Variants in COL5A1 observed in about 807,000 individuals in gnomAD.
The protein encoded by COL5A1 is collagen type V alpha 1 chain, also known as collagen alpha-1(V) chain.
COL5A1 carries 16 observed loss-of-function variants against 263.7 expected under a neutral mutation model. That is an observed-to-expected ratio of 0.06 (90% CI 0.04 to 0.09). The LOEUF is 0.09. Ranked by LOEUF, COL5A1 falls within the 10% of genes least tolerant of loss-of-function variation. The pLI, the probability that COL5A1 is intolerant of heterozygous loss-of-function variation, is 1.00. For missense variants in COL5A1, 2,036 were observed against 2,540.5 expected, an observed-to-expected ratio of 0.80 and a Z score of 4.27; for synonymous variants, 1,012 against 1,004.5, an observed-to-expected ratio of 1.01 and a Z score of -0.14.
Position 134,741,686 on chromosome 9 carries a change from G to A in COL5A1, c.1494+2878G>A, listed in dbSNP as rs555512564. Among the ~76,000 whole-genome samples the A allele has an allele frequency of 2.6e-5, 4 of 152,252 alleles. No individual in the cohort carries two copies. Among genetic ancestry groups the A allele is most frequent in the South Asian group, 4.1e-4 (2 of 4,820 alleles). On this transcript the variant is annotated intron_variant, in intron 11 of 65. Transcript: ENST00000371817. This position sits in a 1 kb window ranked among gnomAD's most constrained non-coding sequence, Gnocchi z 4.5. ...AGGTAAGAGAACTCTTCTTGCGTCC[G>A]TCGATTCTTACTTGGCTTCAGCAGA...
At chr9:134,718,702 C>T (rs1227133356) in intron 4 of COL5A1, among the ~76,000 whole-genome samples, 1 of 152,182 alleles carries the variant, frequency 6.6e-6, no homozygotes, top group Non-Finnish European at 1.5e-5. Flanking sequence ...TCCTTGACTC[C>T]AAGGTGGGCA....
chr9:134,746,226 G>T (rs964036688), intron 11 of COL5A1, among the ~76,000 whole-genome samples: 1 of 152,296 alleles, frequency 6.6e-6, no homozygotes, highest in African/African-American at 2.4e-5. Context: ...GGCCTGCCCA[G>T]GGTCGGGCCT....
chr9:134,684,305 A>G (rs1832946309), intron 1 of COL5A1, among the ~76,000 whole-genome samples: 1 of 152,016 alleles, frequency 6.6e-6, no homozygotes, highest in African/African-American at 2.4e-5. Flanking sequence ...GGAGCCCTGT[A>G]CAGATGTCCA....
At chr9:134,753,693 C>A (rs73664130) in intron 14 of COL5A1, among the ~76,000 whole-genome samples, 157 bp from the exon 15 acceptor site, 1 of 151,998 alleles carries the variant, frequency 6.6e-6, no homozygotes, top group African/African-American at 2.4e-5. Flanking sequence ...TTCTTCCCCC[C>A]GGTTCTGTTC....
intron 18 of COL5A1, among the ~76,000 whole-genome samples, chr9:134,759,813 C>T (rs1343465495): frequency 6.8e-5 from 6 of 88,458 alleles, no homozygotes; most frequent in East Asian, 5.3e-4. Context: ...CATGCACACA[C>T]GCATACACAC....
At chr9:134,798,841 C>T (rs1215879682) in intron 37 of COL5A1, among the ~76,000 whole-genome samples, 2 of 152,220 alleles carry the variant, frequency 1.3e-5, no homozygotes, top group Non-Finnish European at 2.9e-5. Flanking sequence ...AGTGCTACCC[C>T]GCTTGAGGGA....
chr9:134,670,185 T>C (rs1166388223), intron 1 of COL5A1, among the ~76,000 whole-genome samples: 2 of 152,250 alleles, frequency 1.3e-5, no homozygotes, highest in African/African-American at 4.8e-5. Context: ...TCCTCTCATG[T>C]TGGGTTTGGG....
rs761664690 is a variant in COL5A1, at chr9:134,681,090, G to A, written c.110-9822G>A. Among the ~76,000 whole-genome samples, 17 of 152,106 alleles carry A rather than the reference G, an allele frequency of 1.1e-4. No homozygotes were observed. The highest frequency in any genetic ancestry group is 2.0e-4 in the Admixed American group (3 of 15,278). ...TAGTCATTGAGGAAGAATTTCAGTC[G>A]CAGCCTCCAGAGCGCCTCTGTTTTT... is the stretch of plus-strand genomic sequence containing the variant. On this transcript the variant is annotated intron_variant, in intron 1 of 65. Transcript: ENST00000371817. The surrounding 1 kb of genome is among the most constrained non-coding windows in gnomAD (Gnocchi z 4.3).
At position 134,835,029 on chromosome 9, in the gene COL5A1, G is replaced by A. The variant is rs767300218; in HGVS notation, c.5195G>A (p.Arg1732Gln). The change falls in exon 65 of 66, where the codon CGG becomes CAG. Residue 1732 changes from arginine to glutamine, a missense_variant. Arg to Gln is a conservative substitution (Grantham distance 43). This residue lies in a region of COL5A1 where 358 missense variants were observed against 384.6 expected (regional missense o/e 0.93). Transcript: ENST00000371817. The stretch of plus-strand genomic sequence containing the variant: ...GGTGTGGTACAGATGACCTTCCTGC[G>A]GCTGCTGAGCGCCTCTGCCCACCAG... Reference protein sequence around the residue: ...PVGVVQMTFLRLLSASAHQNV... With the variant: ...PVGVVQMTFLQLLSASAHQNV... 5.0e-6 allele frequency: 8 copies of A among 1,613,398 alleles called. No individual in the cohort carries two copies. Among genetic ancestry groups the A allele is most frequent in the Admixed American group, 3.3e-5 (2 of 59,996 alleles).
intron 57 of COL5A1, 47 bp from the exon 58 acceptor site, chr9:134,820,069 A>G (rs1457453215): frequency 6.9e-7 from 1 of 1,440,826 alleles, no homozygotes; most frequent in Non-Finnish European, 9.8e-7. Context: ...GCCGAGCATG[A>G]GGCGTGGCTC....
chr9:134,799,655 C>T (rs887763099), intron 37 of COL5A1, among the ~76,000 whole-genome samples: 7 of 152,200 alleles, frequency 4.6e-5, no homozygotes, highest in African/African-American at 1.7e-4. Context: ...CCCTTTGTCT[C>T]TCTTTGGTTC....
At chr9:134,753,179 C>T (rs1392100364) in intron 14 of COL5A1, among the ~76,000 whole-genome samples, 1 of 152,170 alleles carries the variant, frequency 6.6e-6, no homozygotes, top group Non-Finnish European at 1.5e-5. Flanking sequence ...TTGAAGATAA[C>T]TAAGTGTGGG....
rs1833651226 is a variant in COL5A1 at position 134,700,911 on chromosome 9, T to G, written c.492-260T>G. ...GTGTGCTCCCCCTTCCCCCTTTCAC[T>G]TGGGCTCCCGGCTGGGCTTCCAGGG... On this transcript the variant is annotated intron_variant, in intron 3 of 65. Transcript: ENST00000371817. The surrounding 1 kb of genome is among the most constrained non-coding windows in gnomAD (Gnocchi z 4.0). 6.6e-6 allele frequency among the ~76,000 whole-genome samples: 1 copy of G among 152,112 alleles called. No individual in the cohort carries two copies. Among genetic ancestry groups the G allele is most frequent in the Admixed American group, 6.5e-5 (1 of 15,278 alleles).
At chr9:134,704,554 C>T (rs376985351) in intron 4 of COL5A1, among the ~76,000 whole-genome samples, 32 of 152,136 alleles carry the variant, frequency 2.1e-4, no homozygotes, top group Non-Finnish European at 1.8e-4. Context: ...AGATAGGTTC[C>T]GAATTCTGTG....
In COL5A1 at chr9:134,687,587, G is replaced by C. The variant is rs557772525; in HGVS notation, c.110-3325G>C. On this transcript the variant is annotated intron_variant, in intron 1 of 65. Transcript: ENST00000371817. ...AAGTTTTTGTTTCATGAAGCTTTCGGAGCTGGCCTTCTGTGCATCAGATGG... is the reference window on the plus strand; with the variant it reads ...AAGTTTTTGTTTCATGAAGCTTTCGCAGCTGGCCTTCTGTGCATCAGATGG... 3.9e-5 allele frequency among the ~76,000 whole-genome samples: 6 copies of C among 152,274 alleles called. No individual in the cohort carries two copies. The South Asian group carries it at 8.3e-4, about 21-fold the overall frequency.
chr9:134,704,053 A>T lies in COL5A1; in HGVS notation c.654+2720A>T, dbSNP rs144498506. On this transcript the variant is annotated intron_variant, in intron 4 of 65. Transcript: ENST00000371817. ...AAAAAGCTTTATTTTATCTTTAAAA[A>T]ATTAGGATCCTAAAACAAATAGTGC... Among the ~76,000 whole-genome samples the T allele has an allele frequency of 2.6e-5, 4 of 152,306 alleles. No homozygotes were observed. The East Asian group carries it at 7.7e-4, about 29-fold the overall frequency.
intron 4 of COL5A1, among the ~76,000 whole-genome samples, chr9:134,719,640 A>T (rs1406723494): frequency 6.6e-6 from 1 of 152,232 alleles, no homozygotes; most frequent in African/African-American, 2.4e-5. Context: ...TCTCATGGCC[A>T]GGGCAGGACA....
chr9:134,651,765 G>A (rs1293218425), intron 1 of COL5A1, among the ~76,000 whole-genome samples: 1 of 152,218 alleles, frequency 6.6e-6, no homozygotes, highest in Non-Finnish European at 1.5e-5. Context: ...AGGGGCCCCT[G>A]GGGGGACTTT....
intron 29 of COL5A1, among the ~76,000 whole-genome samples, chr9:134,783,900 TCTC>T (rs1270124857): frequency 6.6e-6 from 1 of 152,222 alleles, no homozygotes; most frequent in East Asian, 1.9e-4. Context: ...AAAGTCCTTT[TCTC>T]CTCCTTTCTG....
Sources: gnomAD v4.1 joint callset for allele counts (sites outside exome capture counted in the v4.1 genomes callset) on GRCh38, gnomAD v4.1.1 for gene constraint, gnomAD v4.1.1 regional missense constraint, Gnocchi (gnomAD v3.1) non-coding constraint, MANE v1.5 for transcripts, NCBI Gene and HGNC (gene_info 2026-07-23, HGNC 2026-07-21) for gene names.